Variants in DIP2C observed in about 807,000 individuals in gnomAD.
The protein encoded by DIP2C is disco-interacting protein 2 homolog C.
Under a neutral mutation model 192.4 loss-of-function variants are expected in DIP2C, and 33 were observed. The observed-to-expected ratio is 0.17, with a 90% CI of 0.13 to 0.23. The LOEUF is 0.23. Ranked by LOEUF, DIP2C falls within the 10% of genes least tolerant of loss-of-function variation. The probability of loss-of-function intolerance (pLI) is 1.00; values close to 1 mark genes in which losing one functional copy is unlikely to be tolerated. For missense variants in DIP2C, 1,537 were observed against 2,110.1 expected, an observed-to-expected ratio of 0.73 and a Z score of 5.32; for synonymous variants, 979 against 864.1, an observed-to-expected ratio of 1.13 and a Z score of -2.33.
At chr10:364,605 G>A in intron 19 of DIP2C, 23 bp from the exon 20 acceptor site, 2 of 1,609,186 alleles carry the variant, frequency 1.2e-6, no homozygotes, top group Non-Finnish European at 8.5e-7. Flanking sequence ...GCATCCATCA[G>A]GCCACTGTTC....
At chr10:455,366 C>A (rs1389525476) in intron 3 of DIP2C, among the ~76,000 whole-genome samples, 1 of 118,188 alleles carries the variant, frequency 8.5e-6, no homozygotes, top group Non-Finnish European at 1.8e-5. Context: ...TGCAGTGAGT[C>A]CCTGCCTGAG....
At chr10:569,570 G>A (rs996430829) in intron 1 of DIP2C, among the ~76,000 whole-genome samples, 3 of 152,038 alleles carry the variant, frequency 2.0e-5, no homozygotes, top group Non-Finnish European at 4.4e-5. Context: ...ATAACATTCG[G>A]TTAAATGATA....
At chr10:607,656 C>A (rs913784391) in intron 1 of DIP2C, among the ~76,000 whole-genome samples, 1 of 152,102 alleles carries the variant, frequency 6.6e-6, no homozygotes, top group Admixed American at 6.5e-5. Context: ...CCCATCTCGG[C>A]CCAAACGATG....
chr10:550,904 C>T (rs1848551518), intron 1 of DIP2C, among the ~76,000 whole-genome samples: 2 of 152,204 alleles, frequency 1.3e-5, no homozygotes, highest in Admixed American at 6.5e-5. Context: ...ACACCCGATG[C>T]GAACCGTGCA....
At chr10:687,947 G>A (rs1001675894) in intron 1 of DIP2C, among the ~76,000 whole-genome samples, 3 of 152,192 alleles carry the variant, frequency 2.0e-5, no homozygotes, top group African/African-American at 7.2e-5. Context: ...GATGCAGGCA[G>A]CACAGAAGCC....
At chr10:535,070 C>CCT (rs751435977) in intron 1 of DIP2C, among the ~76,000 whole-genome samples, 32 of 152,252 alleles carry the variant, frequency 2.1e-4, no homozygotes, top group African/African-American at 6.5e-4. Context: ...GGAACTGACC[C>CCT]CTCTCTCCCT....
chr10:275,655 C>T lies in DIP2C; in HGVS notation c.*1670G>A, dbSNP rs763834808. The T allele has an allele frequency of 5.3e-5, 8 of 151,956 alleles. No individual in the cohort carries two copies. Among genetic ancestry groups the T allele is most frequent in the Middle Eastern group, 3.2e-3 (1 of 314 alleles). The allele number at this position is 151,956 out of a possible 1,614,324, so 9.4% of individuals were successfully genotyped here. On this transcript the variant is annotated 3_prime_UTR_variant, in exon 37 of 37. Transcript: ENST00000280886. ...AATCTTAGTCATGCATATCTAGCAC[C>T]GAGAGCCACTGCGGGGTCACACTGG...
chr10:672,713 C>T (rs1164102272), intron 1 of DIP2C, among the ~76,000 whole-genome samples: 1 of 152,194 alleles, frequency 6.6e-6, no homozygotes, highest in Non-Finnish European at 1.5e-5. Context: ...AGAGGTGATT[C>T]CTGGAACTCA....
intron 1 of DIP2C, among the ~76,000 whole-genome samples, chr10:547,790 C>CCT (rs1416602925): frequency 6.6e-6 from 1 of 152,140 alleles, no homozygotes; most frequent in Non-Finnish European, 1.5e-5. Flanking sequence ...AGTCACGTCC[C>CCT]CTCTCTGCAG....
intron 3 of DIP2C, among the ~76,000 whole-genome samples, chr10:442,305 G>A (rs762683514): frequency 6.6e-5 from 10 of 152,004 alleles, no homozygotes; most frequent in African/African-American, 2.2e-4. Context: ...GCCGCATCAC[G>A]CCCACAATCA....
At chr10:585,103 C>A (rs567812345) in intron 1 of DIP2C, among the ~76,000 whole-genome samples, 4 of 152,356 alleles carry the variant, frequency 2.6e-5, no homozygotes, top group African/African-American at 9.6e-5. Flanking sequence ...GCAGAAAGAG[C>A]CTTGGACACC....
intron 1 of DIP2C, among the ~76,000 whole-genome samples, chr10:489,060 A>G (rs1232725904): frequency 6.6e-6 from 1 of 152,194 alleles, no homozygotes; most frequent in African/African-American, 2.4e-5. Flanking sequence ...CCCAAAATGC[A>G]GAAGACGACG....
At chr10:635,717 C>A (rs1381124774) in intron 1 of DIP2C, among the ~76,000 whole-genome samples, 1 of 152,238 alleles carries the variant, frequency 6.6e-6, no homozygotes, top group Non-Finnish European at 1.5e-5. Context: ...GAAATTGCCC[C>A]TGGGCACTGG....
intron 3 of DIP2C, among the ~76,000 whole-genome samples, chr10:459,444 C>CA (rs1247642577): frequency 6.6e-6 from 1 of 152,226 alleles, no homozygotes; most frequent in Non-Finnish European, 1.5e-5. Context: ...CCTGAGAGGG[C>CA]AGCCCAAGCC....
chr10:485,282 G>C (rs1037884446), intron 2 of DIP2C, among the ~76,000 whole-genome samples: 1 of 152,258 alleles, frequency 6.6e-6, no homozygotes, highest in Non-Finnish European at 1.5e-5. Context: ...CACAGGGACA[G>C]GGCGGGGGCA....
chr10:525,963 G>A (rs1390056135), intron 1 of DIP2C, among the ~76,000 whole-genome samples: 1 of 152,204 alleles, frequency 6.6e-6, no homozygotes, highest in Non-Finnish European at 1.5e-5. Context: ...GCCCTCACCA[G>A]TCATGGCTCA....
rs548801749 is a variant in DIP2C at position 306,777 on chromosome 10, T to G, written c.3986+3254A>C. 9.2e-5 allele frequency among the ~76,000 whole-genome samples: 14 copies of G among 152,310 alleles called. No homozygotes were observed. The East Asian group carries it at 2.1e-3, about 23-fold the overall frequency. ...TCTGTCACCATCCAGCTGCCGGAGC[T>G]CATAGTGACAGCATCTGCCCCAGTC... On this transcript the variant is annotated intron_variant, in intron 32 of 36. Transcript: ENST00000280886.
At chr10:414,735 GTGTGTACA>G (rs1415153230) in intron 7 of DIP2C, among the ~76,000 whole-genome samples, 8 of 53,084 alleles carry the variant, frequency 1.5e-4, no homozygotes, top group African/African-American at 4.7e-4. Context: ...GTGTGTGTGT[GTGTGTACA>G]TATATATATA....
chr10:675,014 A>G (rs1303503849), intron 1 of DIP2C, among the ~76,000 whole-genome samples: 2 of 152,078 alleles, frequency 1.3e-5, no homozygotes. Flanking sequence ...CACATGGAAC[A>G]TTCTCTAGAA....
Sources: gnomAD v4.1 joint callset for allele counts (sites outside exome capture counted in the v4.1 genomes callset) on GRCh38, gnomAD v4.1.1 for gene constraint, MANE v1.5 for transcripts, NCBI Gene and HGNC (gene_info 2026-07-23, HGNC 2026-07-21) for gene names.